Variants in LSM3 observed in about 807,000 individuals in gnomAD.
The protein encoded by LSM3 is LSM3 homolog, U6 small nuclear RNA and mRNA degradation associated.
A neutral mutation model predicts 15.4 loss-of-function variants in LSM3; 14 were observed. The ratio of observed to expected loss-of-function variants is 0.91; its 90% CI spans 0.60 to 1.42. The LOEUF (loss-of-function observed/expected upper bound fraction) is 1.42, where lower values mean the gene tolerates loss of function less well. LSM3 is among the 40% of genes most tolerant of loss of function. The pLI is 0.00. For synonymous variants in LSM3, 46 were observed against 45.1 expected (o/e 1.02, Z -0.08); for missense variants, 88 against 127.9 (o/e 0.69, Z 1.50).
intron 1 of LSM3, among the ~76,000 whole-genome samples, chr3:14,179,539 C>G (rs529295781): frequency 6.6e-6 from 1 of 152,360 alleles, no homozygotes; most frequent in Admixed American, 6.5e-5. Context: ...GAGAGGACTT[C>G]TGCCCAAATA....
rs1398717829 is a variant in LSM3 at position 14,200,006 on chromosome 3, C to A, written c.*1890C>A. 1.3e-5 allele frequency: 2 copies of A among 152,250 alleles called. No individual in the cohort carries two copies. Among genetic ancestry groups the A allele is most frequent in the Admixed American group, 6.5e-5 (1 of 15,288 alleles). 9.4% of individuals were successfully genotyped at this position (152,250 alleles called of 1,614,324 possible). On this transcript the variant is annotated 3_prime_UTR_variant, in exon 4 of 4. Coordinates refer to ENST00000306024, the MANE Select transcript of LSM3 (RefSeq NM_014463.3). Reference sequence around the variant, plus strand: ...CATTTTTAGTGGTTTCTGATAGTCACACTGAATTCCTGGACACTTTCTTCT... The same window carrying A: ...CATTTTTAGTGGTTTCTGATAGTCAAACTGAATTCCTGGACACTTTCTTCT...
chr3:14,183,650 A>T (rs1324236642), intron 2 of LSM3, among the ~76,000 whole-genome samples: 1 of 152,200 alleles, frequency 6.6e-6, no homozygotes, highest in Non-Finnish European at 1.5e-5. Context: ...TTAGATAACA[A>T]GTGGGGTGGA....
At chr3:14,193,391 C>G (rs188147462) in intron 3 of LSM3, among the ~76,000 whole-genome samples, 6 of 152,186 alleles carry the variant, frequency 3.9e-5, no homozygotes, top group Non-Finnish European at 7.3e-5. Context: ...TGGTTCCATT[C>G]TCTCCGTCAC....
rs1374341668 is a variant in LSM3, at chr3:14,184,038, T to A, written c.228+6T>A. 6.2e-7 allele frequency: 1 copy of A among 1,601,280 alleles called. No homozygotes were observed. Among genetic ancestry groups the A allele is most frequent in the Non-Finnish European group, 8.5e-7 (1 of 1,176,136 alleles). On this transcript the variant is annotated splice_donor_region_variant and intron_variant, in intron 3 of 3. Transcript: ENST00000306024. ...CATATGAAGAGATATATAAAGTAAG[T>A]CATGCAATTCTATTCATTGCTTTGC...
intron 3 of LSM3, among the ~76,000 whole-genome samples, chr3:14,196,348 C>G (rs372675229): frequency 1.4e-4 from 21 of 152,234 alleles, no homozygotes; most frequent in Middle Eastern, 3.4e-3. Flanking sequence ...ATCTGTACCC[C>G]CAAAGGATGC....
In LSM3 at chr3:14,199,747, T is replaced by G. The variant is rs1387360602; in HGVS notation, c.*1631T>G. 1 of 152,174 alleles carries G rather than the reference T, an allele frequency of 6.6e-6. No individual in the cohort carries two copies. The highest frequency in any genetic ancestry group is 1.5e-5 in the Non-Finnish European group (1 of 68,054). 9.4% of individuals were successfully genotyped at this position (152,174 alleles called of 1,614,324 possible). ...ATTCAGTATTGAAAAATGAACTCCC[T>G]CCTGCAGAATGTTAGAAGAAACAAC... is the stretch of plus-strand genomic sequence containing the variant. On this transcript the variant is annotated 3_prime_UTR_variant, in exon 4 of 4. Transcript: ENST00000306024.
intron 2 of LSM3, among the ~76,000 whole-genome samples, chr3:14,182,182 A>G (rs1697045807): frequency 6.6e-6 from 1 of 152,192 alleles, no homozygotes; most frequent in African/African-American, 2.4e-5. Flanking sequence ...CAACATAGAG[A>G]GACCCTGTCT....
intron 3 of LSM3, among the ~76,000 whole-genome samples, chr3:14,192,319 C>T (rs945845304): frequency 4.6e-5 from 7 of 152,160 alleles, no homozygotes; most frequent in African/African-American, 1.7e-4. Context: ...GAGCTGAGCT[C>T]AAATCCTGAA....
In LSM3 at chr3:14,198,178, C is replaced by CAA; in HGVS notation, c.*65_*66dup. 1 of 1,205,674 alleles carries CAA rather than the reference C, an allele frequency of 8.3e-7. No individual in the cohort carries two copies. Among genetic ancestry groups the CAA allele is most frequent in the Non-Finnish European group, 1.2e-6 (1 of 814,636 alleles). 74.7% of individuals were successfully genotyped at this position (1,205,674 alleles called of 1,614,324 possible). A position where few individuals can be genotyped will look rare whatever the true frequency, so the allele number is the denominator to read the frequency against. On this transcript the variant is annotated 3_prime_UTR_variant, in exon 4 of 4. Transcript: ENST00000306024. ...TTGTACAGTGGCCTCTCTAAAAGTA[C>CAA]AAAACATTCATAAGAGAAACCTGCA...
At chr3:14,180,841 TTTTTTTTTTTTTTTTTA>T (rs1559390200) in intron 1 of LSM3, among the ~76,000 whole-genome samples, 9 of 126,256 alleles carry the variant, frequency 7.1e-5, no homozygotes, top group Admixed American at 3.1e-4. Flanking sequence ...TTTTTTTTTT[TTTTTTTTTTTTTTTTTA>T]AAAAAAAAAA....
intron 3 of LSM3, among the ~76,000 whole-genome samples, chr3:14,194,009 T>G (rs1697165597): frequency 6.6e-6 from 1 of 152,240 alleles, no homozygotes; most frequent in African/African-American, 2.4e-5. Context: ...GTTTGTTTCT[T>G]TCCTTCCAAC....
chr3:14,200,565 A>G lies in LSM3; in HGVS notation c.*2449A>G, dbSNP rs1697225854. On this transcript the variant is annotated 3_prime_UTR_variant, in exon 4 of 4. Transcript: ENST00000306024. ...AAGGGAAGCCTCTTCAGCAAGTATC[A>G]TGCCTGGATCCCGGTCTTGGTTGTT... 6.8e-6 allele frequency: 1 copy of G among 146,436 alleles called. No individual in the cohort carries two copies. Among genetic ancestry groups the G allele is most frequent in the Non-Finnish European group, 1.5e-5 (1 of 68,036 alleles). 9.1% of individuals were successfully genotyped at this position (146,436 alleles called of 1,614,324 possible). A position where few individuals can be genotyped will look rare whatever the true frequency, so the allele number is the denominator to read the frequency against.
intron 3 of LSM3, among the ~76,000 whole-genome samples, chr3:14,187,243 C>T (rs1437412690): frequency 6.6e-6 from 1 of 152,164 alleles, no homozygotes; most frequent in African/African-American, 2.4e-5. Context: ...GTAACAGAGT[C>T]TCAGTAGTTA....
chr3:14,189,880 T>A (rs1697123218), intron 3 of LSM3, among the ~76,000 whole-genome samples: 1 of 152,258 alleles, frequency 6.6e-6, no homozygotes, highest in Non-Finnish European at 1.5e-5. Flanking sequence ...CCCATGCCTA[T>A]GTCCTGAATG....
At chr3:14,188,541 A>G (rs1041437220) in intron 3 of LSM3, among the ~76,000 whole-genome samples, 8 of 152,178 alleles carry the variant, frequency 5.3e-5, no homozygotes, top group Non-Finnish European at 1.2e-4. Flanking sequence ...CCACCCCCAG[A>G]CATAAGCACT....
chr3:14,178,883 T>A lies in LSM3; in HGVS notation c.21+2T>A, dbSNP rs761548962. 6.2e-7 allele frequency: 1 copy of A among 1,613,944 alleles called. No homozygotes were observed. The highest frequency in any genetic ancestry group is 8.5e-7 in the Non-Finnish European group (1 of 1,179,956). ...AACATGGCGGACGACGTAGACCAGG[T>A]AAGTGTATTTTAAGGAGGTCGCTCG... On this transcript the variant is annotated splice_donor_variant, in intron 1 of 3. Coordinates refer to ENST00000306024, the MANE Select transcript of LSM3 (RefSeq NM_014463.3). LOFTEE classifies it high-confidence loss of function.
intron 3 of LSM3, among the ~76,000 whole-genome samples, chr3:14,192,901 G>A (rs998205062): frequency 2.0e-5 from 3 of 152,186 alleles, no homozygotes; most frequent in South Asian, 4.1e-4. Context: ...GTATGTTTTT[G>A]CAGTGGCTGG....
At position 14,200,260 on chromosome 3, in the gene LSM3, T is replaced by G. The variant is rs1375852723; in HGVS notation, c.*2144T>G. 6.6e-6 allele frequency: 1 copy of G among 152,222 alleles called. No homozygotes were observed. Among genetic ancestry groups the G allele is most frequent in the East Asian group, 1.9e-4 (1 of 5,194 alleles). The allele number at this position is 152,222 out of a possible 1,614,324, so 9.4% of individuals were successfully genotyped here. On this transcript the variant is annotated 3_prime_UTR_variant, in exon 4 of 4. Transcript: ENST00000306024. The stretch of plus-strand genomic sequence containing the variant: ...AAAGGTTAACTGCAGAATAGCCACC[T>G]ATGTGTCAGGAAATGGAGGGAGGGG...
At chr3:14,178,903 C>T in intron 1 of LSM3, 22 bp downstream of exon 1, 1 of 1,613,854 alleles carries the variant, frequency 6.2e-7, no homozygotes, top group Admixed American at 1.7e-5. Context: ...TTAAGGAGGT[C>T]GCTCGAAGGA....
Sources: gnomAD v4.1 joint callset for allele counts (sites outside exome capture counted in the v4.1 genomes callset) on GRCh38, gnomAD v4.1.1 for gene constraint, MANE v1.5 for transcripts, NCBI Gene and HGNC (gene_info 2026-07-23, HGNC 2026-07-21) for gene names.